The following RSPH10B2 variants were observed in gnomAD, a reference collection of about 807,000 sequenced individuals.
RSPH10B2 encodes radial spoke head 10 homolog B2, also known as radial spoke head 10 homolog B2 (Chlamydomonas).
RSPH10B2 carries 9 observed loss-of-function variants against 49.0 expected under a neutral mutation model. The ratio of observed to expected loss-of-function variants is 0.18; its 90% CI spans 0.11 to 0.32. The LOEUF is 0.32. Ranked by LOEUF, RSPH10B2 falls within the 10% of genes least tolerant of loss-of-function variation. The pLI, the probability that RSPH10B2 is intolerant of heterozygous loss-of-function variation, is 1.00. For synonymous variants in RSPH10B2, 35 were observed against 210.2 expected (o/e 0.17, Z 7.21); for missense variants, 95 against 589.9 (o/e 0.16, Z 8.69).
At chr7:6,769,539 A>T (rs1236441637) in intron 7 of RSPH10B2, among the ~76,000 whole-genome samples, 1 of 73,274 alleles carries the variant, frequency 1.4e-5, no homozygotes, top group Non-Finnish European at 2.7e-5. Context: ...AAATTACATT[A>T]TCTGTTTTGT....
At chr7:6,796,852 T>C in intron 18 of RSPH10B2, 86 bp downstream of exon 20, 2 of 1,027,222 alleles carry the variant, frequency 1.9e-6, no homozygotes, top group Non-Finnish European at 2.6e-6. Flanking sequence ...CAGGACCAAG[T>C]GCTTTCCGGA....
chr7:6,780,627 C>T lies in RSPH10B2; in HGVS notation c.1530-182C>T, dbSNP rs1278018456. Among the ~76,000 whole-genome samples, 3 of 117,280 alleles carry T rather than the reference C, an allele frequency of 2.6e-5. 1 individual carries two copies. The highest frequency in any genetic ancestry group is 5.3e-5 in the Non-Finnish European group (3 of 56,534). 76.9% of individuals were successfully genotyped at this position (117,280 alleles called of 152,430 possible). A position where few individuals can be genotyped will look rare whatever the true frequency, so the allele number is the denominator to read the frequency against. ...CTTAAACTCCTGACCTCGAGTGATCCGCCCACCTTGGCCTCCCAAAATGCT... is the reference window on the plus strand; with the variant it reads ...CTTAAACTCCTGACCTCGAGTGATCTGCCCACCTTGGCCTCCCAAAATGCT... On this transcript the variant is annotated intron_variant, in intron 11 of 18. Coordinates refer to ENST00000297186, the Ensembl canonical transcript of RSPH10B2.
upstream of RSPH10B2, among the ~76,000 whole-genome samples, chr7:6,756,041 G>A (rs1262790558): frequency 1.3e-5 from 2 of 150,610 alleles, no homozygotes; most frequent in Admixed American, 1.3e-4. Context: ...GGCCAAGGCG[G>A]GCAGATCACG....
At chr7:6,757,927 G>A (rs1225842959) in exon 1 of RSPH10B2, 1 of 1,604,764 alleles carries the variant, frequency 6.2e-7, no homozygotes, top group Admixed American at 1.7e-5. Context: ...ACTCATAGTG[G>A]AAAGGTGATT....
intron 13 of RSPH10B2, among the ~76,000 whole-genome samples, chr7:6,783,559 A>G (rs1486828441): frequency 2.4e-5 from 3 of 124,626 alleles, no homozygotes; most frequent in Admixed American, 8.6e-5. Context: ...TGCAACCTCA[A>G]CCTCCCAGGT....
At chr7:6,784,817 C>T (rs1345397905) in intron 13 of RSPH10B2, among the ~76,000 whole-genome samples, 1 of 108,854 alleles carries the variant, frequency 9.2e-6, no homozygotes, top group African/African-American at 4.0e-5. Context: ...CCGCCTGCCT[C>T]GGCCTCCCAA....
Position 6,791,275 on chromosome 7 carries a change from T to C in RSPH10B2, c.2140-629T>C, listed in dbSNP as rs1048824629. 7.0e-5 allele frequency among the ~76,000 whole-genome samples: 9 copies of C among 127,828 alleles called. 1 individual carries two copies. The highest frequency in any genetic ancestry group is 2.9e-4 in the African/African-American group (9 of 31,024). 83.9% of individuals were successfully genotyped at this position (127,828 alleles called of 152,430 possible). Reference sequence around the variant, plus strand: ...TCTTGGCCTCCCAAAGTGCTGGGATTACAGGCATGAGCCACCACGCCTAGC... The same window carrying C: ...TCTTGGCCTCCCAAAGTGCTGGGATCACAGGCATGAGCCACCACGCCTAGC... On this transcript the variant is annotated intron_variant, in intron 16 of 18. Coordinates refer to ENST00000297186, the Ensembl canonical transcript of RSPH10B2.
At position 6,781,315 on chromosome 7, in the gene RSPH10B2, G is replaced by A. The variant is rs1291009359; in HGVS notation, c.1610-13G>A. ...ATAAATCTGTAATCATTTTTCGAAC[G>A]TTGTATTTTTAGGCAATTTATTCCG... On this transcript the variant is annotated splice_polypyrimidine_tract_variant and intron_variant, in intron 12 of 18. Coordinates refer to ENST00000297186, the Ensembl canonical transcript of RSPH10B2. 6 of 1,278,240 alleles carry A rather than the reference G, an allele frequency of 4.7e-6. 1 individual carries two copies. Among genetic ancestry groups the A allele is most frequent in the Middle Eastern group, 4.6e-4 (2 of 4,356 alleles). 79.2% of individuals were successfully genotyped at this position (1,278,240 alleles called of 1,614,324 possible).
intron 14 of RSPH10B2, among the ~76,000 whole-genome samples, chr7:6,786,291 T>C (rs1782174105): frequency 1.0e-5 from 1 of 95,362 alleles, no homozygotes; most frequent in African/African-American, 4.6e-5. Context: ...CACGCCATTC[T>C]CCTGCCTCAG....
At chr7:6,770,720 A>T (rs1377993544) in intron 7 of RSPH10B2, among the ~76,000 whole-genome samples, 21 of 151,206 alleles carry the variant, frequency 1.4e-4, no homozygotes, top group African/African-American at 4.9e-4. Flanking sequence ...CCTGGCTAAC[A>T]TGGTGAAACC....
chr7:6,795,660 C>T (rs1372374195), intron 17 of RSPH10B2, among the ~76,000 whole-genome samples: 1 of 142,084 alleles, frequency 7.0e-6, no homozygotes, highest in Non-Finnish European at 1.6e-5. Flanking sequence ...ACTTGGGAGG[C>T]TGAGGTGGGA....
In RSPH10B2 at chr7:6,781,195, G is replaced by A. The variant is rs1275038106; in HGVS notation, c.1610-133G>A. The A allele has an allele frequency of 1.2e-5, 10 of 814,046 alleles. 1 individual carries two copies. The highest frequency in any genetic ancestry group is 1.7e-5 in the Non-Finnish European group (10 of 592,176). 50.4% of individuals were successfully genotyped at this position (814,046 alleles called of 1,614,324 possible). ...GGAGGTTGCAGCGAGCCAAGATGGT[G>A]CCACTGCACTCTAGCCTGGGTGACA... On this transcript the variant is annotated intron_variant, in intron 12 of 18. Transcript: ENST00000297186.
chr7:6,797,198 G>A (rs1160698804), intron 18 of RSPH10B2, among the ~76,000 whole-genome samples: 1 of 143,402 alleles, frequency 7.0e-6, no homozygotes, highest in Non-Finnish European at 1.5e-5. Flanking sequence ...TAGTAGAGAC[G>A]AGGTTTCACC....
At chr7:6,754,317 G>C, upstream of RSPH10B2, 1 of 147,794 alleles carries the variant, frequency 6.8e-6, no homozygotes, top group Non-Finnish European at 1.5e-5. Context: ...GGGCAGACCA[G>C]TGCAGGGAGC....
chr7:6,767,118 C>G (rs1781484990), intron 6 of RSPH10B2, among the ~76,000 whole-genome samples: 1 of 22,828 alleles, frequency 4.4e-5, no homozygotes, highest in African/African-American at 1.5e-4. Flanking sequence ...GTACCCACCA[C>G]CACCACGGCC....
At position 6,793,063 on chromosome 7, in the gene RSPH10B2, A is replaced by ATT. The variant is rs778318872; in HGVS notation, c.2233+1089_2233+1090dup. Among the ~76,000 whole-genome samples, 21 of 64,804 alleles carry ATT rather than the reference A, an allele frequency of 3.2e-4. 3 individuals carry two copies. The highest frequency in any genetic ancestry group is 1.0e-3 in the South Asian group (1 of 956). 42.5% of individuals were successfully genotyped at this position (64,804 alleles called of 152,430 possible). A position where few individuals can be genotyped will look rare whatever the true frequency, so the allele number is the denominator to read the frequency against. ...GGTGTGAGCCCACCCGCCCCTGGGCATTTTTTTTTTTTTTTTTTTTTTTTA... is the reference window on the plus strand; with the variant it reads ...GGTGTGAGCCCACCCGCCCCTGGGCATTTTTTTTTTTTTTTTTTTTTTTTTTA... On this transcript the variant is annotated intron_variant, in intron 17 of 18. Coordinates refer to ENST00000297186, the Ensembl canonical transcript of RSPH10B2.
At chr7:6,786,178 CTTTTT>C in intron 14 of RSPH10B2, 122 bp downstream of exon 16, 277 of 141,514 alleles carry the variant, frequency 2.0e-3, no homozygotes, top group East Asian at 3.7e-3. Flanking sequence ...TTCACTGATG[CTTTTT>C]TTTTTTTTTT....
Position 6,757,878 on chromosome 7 carries a change from C to T in RSPH10B2, c.201C>T (p.Asn67=), listed in dbSNP as rs376261585. 102 of 1,564,270 alleles carry T rather than the reference C, an allele frequency of 6.5e-5. 7 individuals carry two copies. Among genetic ancestry groups the T allele is most frequent in the Middle Eastern group, 1.7e-4 (1 of 5,772 alleles). Residue 67 remains asparagine (N), a synonymous_variant, in exon 1 of 19, where the codon AAC becomes AAT. Coordinates refer to ENST00000297186, the Ensembl canonical transcript of RSPH10B2. ...AAGACCGCCAAAACGTTCAGCAGAA[C>T]GAAGATGCCAGCCAATACGAAGAGT...
chr7:6,797,679 C>A (rs1370576674), intron 18 of RSPH10B2, among the ~76,000 whole-genome samples: 1 of 152,170 alleles, frequency 6.6e-6, no homozygotes, highest in Admixed American at 6.5e-5. Context: ...TACAGCAAGA[C>A]CTCATCTCTA....
Sources: allele counts gnomAD v4.1 joint callset (sites outside exome capture counted in the v4.1 genomes callset), GRCh38; gene constraint gnomAD v4.1.1; transcripts MANE v1.5; gene names NCBI Gene and HGNC (gene_info 2026-07-23, HGNC 2026-07-21).